Variants in BRINP1 observed in about 807,000 individuals in gnomAD.
The protein encoded by BRINP1 is BMP/retinoic acid-inducible neural-specific protein 1.
Under a neutral mutation model 72.9 loss-of-function variants are expected in BRINP1, and 17 were observed. The ratio of observed to expected loss-of-function variants is 0.23; its 90% CI spans 0.16 to 0.35. The LOEUF is 0.35. BRINP1 is among the 10% of genes least tolerant of loss of function. The pLI is 1.00. For synonymous variants in BRINP1, 418 were observed against 378.5 expected (o/e 1.10, Z -1.21); for missense variants, 850 against 1,001.6 (o/e 0.85, Z 2.04).
chr9:119,180,613 T>G (rs994068934), intron 7 of BRINP1, among the ~76,000 whole-genome samples: 2 of 152,196 alleles, frequency 1.3e-5, no homozygotes, highest in Non-Finnish European at 2.9e-5. Flanking sequence ...GCTATGGATG[T>G]GCTAGTATGA....
At position 119,167,403 on chromosome 9, in the gene BRINP1, T is replaced by C. The variant is rs1279340901; in HGVS notation, c.1967A>G (p.Gln656Arg). 2 of 1,614,054 alleles carry C rather than the reference T, an allele frequency of 1.2e-6. No homozygotes were observed. Among genetic ancestry groups the C allele is most frequent in the Admixed American group, 3.3e-5 (2 of 60,026 alleles). Residue 656 changes from glutamine (Q) to arginine (R), a missense_variant, in exon 8 of 8, where the codon CAG becomes CGG. Physicochemically the swap from Gln to Arg is conservative, Grantham distance 43. Transcript: ENST00000265922. The surrounding 1 kb of genome is among the most constrained non-coding windows in gnomAD (Gnocchi z 4.3). ...RQFYIKISDV[Q>R]VFGYSLRFNA... ...GAACCTCAGGCTATACCCAAACACC[T>C]GCACGTCTGAGATCTTGATGTAGAA...
intron 1 of BRINP1, among the ~76,000 whole-genome samples, chr9:119,352,250 A>G (rs1326962240): frequency 6.6e-6 from 1 of 152,240 alleles, no homozygotes; most frequent in Non-Finnish European, 1.5e-5. Flanking sequence ...AGTGTTATTA[A>G]GCATGACGTT....
intron 7 of BRINP1, among the ~76,000 whole-genome samples, chr9:119,204,707 A>C (rs1344268057): frequency 6.6e-6 from 1 of 152,168 alleles, no homozygotes; most frequent in Non-Finnish European, 1.5e-5. Flanking sequence ...CAGGCACTTT[A>C]CCAAGGTTAT....
chr9:119,226,803 A>C (rs1256574858), intron 5 of BRINP1, among the ~76,000 whole-genome samples: 2 of 152,060 alleles, frequency 1.3e-5, no homozygotes, highest in African/African-American at 4.8e-5. Flanking sequence ...CAGAACCTAG[A>C]AAGGTTATGG....
chr9:119,303,222 G>A (rs1258374047), intron 2 of BRINP1, among the ~76,000 whole-genome samples: 1 of 151,366 alleles, frequency 6.6e-6, no homozygotes, highest in African/African-American at 2.4e-5. Context: ...GACTTTCTCT[G>A]AACAATAAAC....
chr9:119,260,992 T>G (rs1830489536), intron 2 of BRINP1, among the ~76,000 whole-genome samples: 1 of 152,168 alleles, frequency 6.6e-6, no homozygotes, highest in Admixed American at 6.5e-5. Flanking sequence ...CTAGGAATAA[T>G]TGACAGCAAT....
intron 7 of BRINP1, among the ~76,000 whole-genome samples, chr9:119,194,805 C>G (rs1829718407): frequency 6.6e-6 from 1 of 152,160 alleles, no homozygotes; most frequent in African/African-American, 2.4e-5. Flanking sequence ...AGAGCCTGGT[C>G]TGTCCAACAC....
At chr9:119,242,259 T>C in intron 3 of BRINP1, 43 bp from the exon 4 acceptor site, 1 of 1,563,310 alleles carries the variant, frequency 6.4e-7, no homozygotes. Context: ...TGTGGAGCTT[T>C]CATGTGAGAG....
At chr9:119,262,502 C>T (rs553650498) in intron 2 of BRINP1, among the ~76,000 whole-genome samples, 19 of 151,806 alleles carry the variant, frequency 1.3e-4, no homozygotes, top group African/African-American at 3.9e-4. Context: ...AATAAATTGC[C>T]GGGCGCGGTG....
chr9:119,179,773 C>A (rs1829532301), intron 7 of BRINP1, among the ~76,000 whole-genome samples: 1 of 152,168 alleles, frequency 6.6e-6, no homozygotes, highest in Admixed American at 6.5e-5. Context: ...AATACTCCCT[C>A]AATGCCCATG....
In BRINP1 at chr9:119,208,758, C is replaced by T. The variant is rs148050848; in HGVS notation, c.1106G>A (p.Arg369His). The change falls in exon 7 of 8, where the codon CGC becomes CAC. Residue 369 changes from arginine to histidine, a missense_variant. Arg to His is a conservative substitution (Grantham distance 29, BLOSUM62 0). Transcript: ENST00000265922. ...CTGGTGGTTGGGATTGTGGCGACAG[C>T]GTACACTGAGGCCGAAAAGCTTGCG... Reference protein sequence around the residue: ...TARKLFGLSVRCRHNPNHQLP... With the variant: ...TARKLFGLSVHCRHNPNHQLP... The T allele has an allele frequency of 1.2e-5, 19 of 1,613,528 alleles. No individual in the cohort carries two copies. Among genetic ancestry groups the T allele is most frequent in the South Asian group, 6.6e-5 (6 of 91,068 alleles).
intron 1 of BRINP1, among the ~76,000 whole-genome samples, chr9:119,317,485 C>A (rs549842423): frequency 6.6e-6 from 1 of 152,310 alleles, no homozygotes; most frequent in East Asian, 1.9e-4. Flanking sequence ...AAAGCAGTTT[C>A]TCAAGATGGA....
intron 1 of BRINP1, among the ~76,000 whole-genome samples, chr9:119,364,875 T>C (rs1831674711): frequency 6.6e-6 from 1 of 152,252 alleles, no homozygotes; most frequent in African/African-American, 2.4e-5. Context: ...ATTCTTGGTA[T>C]AGGCAAAAAT....
At chr9:119,208,667 T>C (rs1396564748) in intron 7 of BRINP1, 52 bp downstream of exon 7, 3 of 1,542,916 alleles carry the variant, frequency 1.9e-6, no homozygotes, top group Non-Finnish European at 2.7e-6. Flanking sequence ...CAAGATAATG[T>C]AGCTAACGCC....
At chr9:119,363,223 C>T (rs1831653839) in intron 1 of BRINP1, among the ~76,000 whole-genome samples, 2 of 152,134 alleles carry the variant, frequency 1.3e-5, no homozygotes, top group African/African-American at 2.4e-5. Flanking sequence ...CAACCTCGGC[C>T]TACGGAGCAG....
At chr9:119,237,467 C>A (rs1830203429) in intron 5 of BRINP1, among the ~76,000 whole-genome samples, 1 of 151,288 alleles carries the variant, frequency 6.6e-6, no homozygotes, top group Non-Finnish European at 1.5e-5. Context: ...GGTTCATGCC[C>A]TTCTCCCACC....
intron 5 of BRINP1, among the ~76,000 whole-genome samples, chr9:119,215,267 A>G (rs951340470): frequency 2.6e-5 from 4 of 152,228 alleles, no homozygotes; most frequent in Non-Finnish European, 4.4e-5. Flanking sequence ...AAGTCTTAAT[A>G]CAGAGAGCCA....
intron 2 of BRINP1, among the ~76,000 whole-genome samples, chr9:119,285,294 C>T (rs1830749306): frequency 6.6e-6 from 1 of 151,910 alleles, no homozygotes; most frequent in Admixed American, 6.6e-5. Flanking sequence ...TCTCAGAAGG[C>T]TGGTGCAGAA....
chr9:119,332,260 C>T (rs1428770732), intron 1 of BRINP1, among the ~76,000 whole-genome samples: 1 of 152,120 alleles, frequency 6.6e-6, no homozygotes, highest in East Asian at 1.9e-4. Flanking sequence ...ATTTTTAGTC[C>T]TTACAATATT....
Sources: allele counts gnomAD v4.1 joint callset (sites outside exome capture counted in the v4.1 genomes callset), GRCh38; gene constraint gnomAD v4.1.1; non-coding constraint Gnocchi (gnomAD v3.1); transcripts MANE v1.5; gene names NCBI Gene and HGNC (gene_info 2026-07-23, HGNC 2026-07-21).